The following PALM2AKAP2 variants were observed in gnomAD, a reference collection of about 807,000 sequenced individuals.
PALM2AKAP2 encodes PALM2-AKAP2 fusion protein.
In PALM2AKAP2, 37 loss-of-function variants were observed where a neutral mutation model predicts 71.5. The ratio of observed to expected loss-of-function variants is 0.52; its 90% CI spans 0.40 to 0.68. The LOEUF (loss-of-function observed/expected upper bound fraction) is 0.68, where lower values mean the gene tolerates loss of function less well. Among genes scored for constraint, PALM2AKAP2 ranks in the 30% least tolerant of loss-of-function variants. The pLI is 0.00. For synonymous variants in PALM2AKAP2, 468 were observed against 478.8 expected (o/e 0.98, Z 0.29); for missense variants, 1,224 against 1,191.8 (o/e 1.03, Z -0.40).
At chr9:109,680,828 G>A (rs1160422498) in intron 1 of PALM2AKAP2, among the ~76,000 whole-genome samples, 3 of 152,074 alleles carry the variant, frequency 2.0e-5, no homozygotes, top group Non-Finnish European at 4.4e-5. Context: ...TCCTCCTGAG[G>A]TTTGTTATCT....
chr9:110,096,962 TA>T (rs1489464753), intron 1 of PALM2AKAP2, among the ~76,000 whole-genome samples: 20 of 149,628 alleles, frequency 1.3e-4, no homozygotes, highest in South Asian at 4.2e-4. Context: ...ATTTATTTAT[TA>T]TTTTTTTTAT....
At chr9:109,677,283 A>AT (rs1167362906) in intron 1 of PALM2AKAP2, among the ~76,000 whole-genome samples, 1 of 152,172 alleles carries the variant, frequency 6.6e-6, no homozygotes, top group Non-Finnish European at 1.5e-5. Context: ...CAACTTAGAG[A>AT]TTTTTGGATC....
intron 1 of PALM2AKAP2, among the ~76,000 whole-genome samples, chr9:110,083,167 A>G (rs1370950628): frequency 1.3e-5 from 2 of 152,044 alleles, no homozygotes; most frequent in Non-Finnish European, 1.5e-5. Flanking sequence ...ACAAAAAACA[A>G]AAACAATGAC....
chr9:110,029,705 C>A (rs186568501), intron 7 of PALM2AKAP2, among the ~76,000 whole-genome samples: 3 of 152,288 alleles, frequency 2.0e-5, no homozygotes, highest in East Asian at 1.9e-4. Context: ...GTGAAAGAAC[C>A]AAGCCACGCA....
At chr9:109,752,468 C>T (rs1483942295) in intron 1 of PALM2AKAP2, among the ~76,000 whole-genome samples, 1 of 152,084 alleles carries the variant, frequency 6.6e-6, no homozygotes, top group Non-Finnish European at 1.5e-5. Context: ...TAAATGATGA[C>T]TTGACATGGG....
chr9:110,087,719 T>C (rs1269868698), intron 1 of PALM2AKAP2, among the ~76,000 whole-genome samples: 2 of 152,232 alleles, frequency 1.3e-5, no homozygotes, highest in Non-Finnish European at 2.9e-5. Context: ...ATTTCATTCA[T>C]TGACTCAACA....
At chr9:109,892,803 G>T (rs1830116520) in intron 3 of PALM2AKAP2, among the ~76,000 whole-genome samples, 1 of 151,960 alleles carries the variant, frequency 6.6e-6, no homozygotes, top group African/African-American at 2.4e-5. Context: ...TAATAATAAA[G>T]ATCAACTTTA....
intron 6 of PALM2AKAP2, among the ~76,000 whole-genome samples, chr9:109,970,401 G>C (rs1372829749): frequency 1.3e-5 from 2 of 152,208 alleles, no homozygotes; most frequent in Non-Finnish European, 2.9e-5. Flanking sequence ...GAGGAGCGCT[G>C]CCTTAGAGCA....
At chr9:109,809,339 C>T (rs1564158708) in intron 1 of PALM2AKAP2, among the ~76,000 whole-genome samples, 1 of 151,914 alleles carries the variant, frequency 6.6e-6, no homozygotes. Context: ...CCTCTTGCAT[C>T]AGCGTGACCT....
intron 6 of PALM2AKAP2, among the ~76,000 whole-genome samples, chr9:110,011,006 A>ATATATATATATATAT (rs1454209302): frequency 7.4e-5 from 7 of 94,178 alleles, no homozygotes; most frequent in African/African-American, 4.5e-4. Context: ...CAAAAAAAAA[A>ATATATATATATATAT]AAAAAAAAAT....
chr9:109,971,283 C>CTTT (rs11392589), intron 6 of PALM2AKAP2, among the ~76,000 whole-genome samples: 1,058 of 45,664 alleles, frequency 0.023, 84 homozygotes, highest in Middle Eastern at 0.028. Flanking sequence ...CTCTTAGTCC[C>CTTT]TTTTTTTTTT....
At chr9:109,904,778 T>C (rs189665180) in intron 3 of PALM2AKAP2, among the ~76,000 whole-genome samples, 20 of 152,290 alleles carry the variant, frequency 1.3e-4, no homozygotes, top group African/African-American at 4.3e-4. Flanking sequence ...TGGAGCACGA[T>C]GTACTATCTC....
chr9:109,771,187 T>G (rs1829255907), intron 1 of PALM2AKAP2, among the ~76,000 whole-genome samples: 1 of 152,226 alleles, frequency 6.6e-6, no homozygotes, highest in South Asian at 2.1e-4. Flanking sequence ...AGCATTCAAT[T>G]TGCAAGTCAT....
At chr9:110,025,392 C>T (rs529722123) in intron 7 of PALM2AKAP2, 13 of 801,854 alleles carry the variant, frequency 1.6e-5, no homozygotes, top group South Asian at 4.4e-5. Context: ...AGGTTCCGCC[C>T]GAAAGGCTTT....
intron 1 of PALM2AKAP2, among the ~76,000 whole-genome samples, chr9:109,667,779 T>C (rs1399340316): frequency 1.3e-5 from 2 of 151,974 alleles, no homozygotes; most frequent in African/African-American, 4.8e-5. Context: ...GGCATTGGAG[T>C]GAGACCCTGT....
At chr9:110,166,004 C>T (rs183541784) in intron 3 of PALM2AKAP2, among the ~76,000 whole-genome samples, 6 of 152,268 alleles carry the variant, frequency 3.9e-5, no homozygotes, top group Admixed American at 2.0e-4. Flanking sequence ...TTGATGTAAA[C>T]CTTTCTGTTT....
At chr9:109,746,997 G>C (rs1236181438) in intron 1 of PALM2AKAP2, among the ~76,000 whole-genome samples, 1 of 152,222 alleles carries the variant, frequency 6.6e-6, no homozygotes, top group Non-Finnish European at 1.5e-5. Flanking sequence ...TGTCCAGTTG[G>C]ATTGGAGTAT....
chr9:109,864,579 G>T (rs1200142362), intron 1 of PALM2AKAP2, among the ~76,000 whole-genome samples: 1 of 152,176 alleles, frequency 6.6e-6, no homozygotes, highest in Admixed American at 6.5e-5. Flanking sequence ...CAGCAAACTA[G>T]GACCCGTGGG....
At chr9:110,167,585 G>C (rs931855578) in intron 3 of PALM2AKAP2, among the ~76,000 whole-genome samples, 1 of 152,208 alleles carries the variant, frequency 6.6e-6, no homozygotes, top group African/African-American at 2.4e-5. Context: ...GTGGTGGTGA[G>C]CCTACTTGTC....
Sources: allele counts gnomAD v4.1 joint callset (sites outside exome capture counted in the v4.1 genomes callset), GRCh38; gene constraint gnomAD v4.1.1; transcripts MANE v1.5; gene names NCBI Gene and HGNC (gene_info 2026-07-23, HGNC 2026-07-21).